Variants in RORA observed in about 807,000 individuals in gnomAD.
RORA encodes nuclear receptor ROR-alpha.
RORA carries 7 observed loss-of-function variants against 69.5 expected under a neutral mutation model. The observed-to-expected ratio is 0.10, with a 90% CI of 0.06 to 0.19. The LOEUF (loss-of-function observed/expected upper bound fraction) is 0.19, where lower values mean the gene tolerates loss of function less well. RORA is among the 10% of genes least tolerant of loss of function. RORA has a pLI of 1.00. For missense variants in RORA, 457 were observed against 663.0 expected (o/e 0.69, Z 3.41); for synonymous variants, 261 against 240.8 (o/e 1.08, Z -0.78).
At chr15:60,554,404 TAAAAAA>T (rs916683095) in intron 2 of RORA, among the ~76,000 whole-genome samples, 1 of 151,152 alleles carries the variant, frequency 6.6e-6, no homozygotes, top group Admixed American at 6.6e-5. Context: ...TTTTTGGCAC[TAAAAAA>T]AAATCAGCAA....
chr15:60,694,922 C>T (rs559811438), intron 1 of RORA, among the ~76,000 whole-genome samples: 1 of 152,160 alleles, frequency 6.6e-6, no homozygotes, highest in Non-Finnish European at 1.5e-5. Context: ...TAATGGACAA[C>T]GTATGAACAA....
At chr15:61,228,966 C>G (rs1442754766) in intron 1 of RORA, 87 bp downstream of exon 1, 1 of 611,714 alleles carries the variant, frequency 1.6e-6, no homozygotes, top group Non-Finnish European at 2.0e-6. Context: ...CGCCGGACCC[C>G]GCGCCCCGGG....
rs1181851519 is a variant in RORA at position 60,996,079 on chromosome 15, T to G, written c.166+232974A>C. Among the ~76,000 whole-genome samples the G allele has an allele frequency of 1.7e-4, 17 of 100,172 alleles. No homozygotes were observed. In the South Asian group the frequency reaches 2.5e-3, roughly 15 times the overall value. 65.7% of individuals were successfully genotyped at this position (100,172 alleles called of 152,430 possible). On this transcript the variant is annotated intron_variant, in intron 1 of 10. Coordinates refer to ENST00000335670, the MANE Select transcript of RORA (RefSeq NM_134261.3). ...TCTAGATCTTGTTTTTTGTTTTTTT[T>G]TTTTTTTTTGAGATGGAGTCTCACT...
intron 1 of RORA, among the ~76,000 whole-genome samples, chr15:60,864,671 A>G (rs79218010): frequency 0.024 from 3,621 of 152,292 alleles, 135 homozygotes; most frequent in African/African-American, 0.083. Flanking sequence ...CAGGAACATT[A>G]TATCACTGTA....
At chr15:60,530,774 T>C (rs2059496895) in intron 3 of RORA, 1 of 152,266 alleles carries the variant, frequency 6.6e-6, no homozygotes. Flanking sequence ...TCGTGGATTT[T>C]ATTTTTTGCC....
intron 1 of RORA, among the ~76,000 whole-genome samples, chr15:60,714,181 G>A (rs2071186272): frequency 6.6e-6 from 1 of 151,708 alleles, no homozygotes; most frequent in Admixed American, 6.6e-5. Flanking sequence ...AGCCTCCCAA[G>A]TAGCTGAGAT....
chr15:61,019,615 A>G (rs1303970573), intron 1 of RORA, among the ~76,000 whole-genome samples: 1 of 151,840 alleles, frequency 6.6e-6, no homozygotes, highest in East Asian at 1.9e-4. Flanking sequence ...GAAGGGGGGG[A>G]AACCTGTCCT....
intron 1 of RORA, among the ~76,000 whole-genome samples, chr15:61,073,292 C>T (rs1390792963): frequency 4.6e-4 from 70 of 152,206 alleles, no homozygotes; most frequent in Non-Finnish European, 2.1e-4. Context: ...TCACAACAAG[C>T]TTCCTTACCA....
chr15:60,990,511 G>A (rs576178420), intron 1 of RORA, among the ~76,000 whole-genome samples: 15 of 152,176 alleles, frequency 9.9e-5, no homozygotes, highest in African/African-American at 2.4e-4. Flanking sequence ...AATCATTCCC[G>A]GGTAAGAAAT....
chr15:60,853,434 G>C (rs1036199094), intron 1 of RORA, among the ~76,000 whole-genome samples: 6 of 152,226 alleles, frequency 3.9e-5, no homozygotes, highest in Admixed American at 3.9e-4. Context: ...GTTCCATGAA[G>C]CAGAGTCACA....
chr15:61,155,698 G>A (rs1331083395), intron 1 of RORA, among the ~76,000 whole-genome samples: 3 of 152,078 alleles, frequency 2.0e-5, no homozygotes, highest in Non-Finnish European at 4.4e-5. Flanking sequence ...CTTCAGCTGT[G>A]AGGGGAAAAA....
intron 2 of RORA, among the ~76,000 whole-genome samples, chr15:60,673,022 TA>T (rs1250956966): frequency 6.6e-6 from 1 of 152,216 alleles, no homozygotes; most frequent in African/African-American, 2.4e-5. Context: ...CCTCGTAGGC[TA>T]GGCATGTTTG....
chr15:60,653,486 C>G (rs2070176507), intron 2 of RORA, among the ~76,000 whole-genome samples: 1 of 152,148 alleles, frequency 6.6e-6, no homozygotes. Flanking sequence ...CCGTCCTCAC[C>G]CTCATCACAA....
intron 1 of RORA, among the ~76,000 whole-genome samples, chr15:61,093,168 C>T (rs1023525169): frequency 1.3e-5 from 2 of 152,134 alleles, no homozygotes; most frequent in Non-Finnish European, 2.9e-5. Flanking sequence ...CTCATTTATT[C>T]CACAAAGAGA....
At chr15:61,042,235 G>A (rs1040405761) in intron 1 of RORA, among the ~76,000 whole-genome samples, 23 of 152,218 alleles carry the variant, frequency 1.5e-4, no homozygotes, top group African/African-American at 5.1e-4. Flanking sequence ...GATAGGCTAT[G>A]TGGTCTTAAT....
chr15:61,006,547 G>A (rs777775811), intron 1 of RORA, among the ~76,000 whole-genome samples: 7 of 152,126 alleles, frequency 4.6e-5, no homozygotes, highest in Non-Finnish European at 1.0e-4. Flanking sequence ...TCCATGAAGT[G>A]ACAAATAAAA....
At chr15:60,812,843 C>G (rs1296405024) in intron 1 of RORA, among the ~76,000 whole-genome samples, 1 of 152,138 alleles carries the variant, frequency 6.6e-6, no homozygotes, top group Non-Finnish European at 1.5e-5. Flanking sequence ...GTGATGGAAT[C>G]TGGACATTGG....
intron 2 of RORA, among the ~76,000 whole-genome samples, chr15:60,562,291 G>A (rs906589520): frequency 1.3e-5 from 2 of 151,330 alleles, no homozygotes; most frequent in African/African-American, 2.4e-5. Context: ...GCTGGAGTGC[G>A]ATGGCACGAT....
At chr15:60,540,904 G>A (rs1417598827) in intron 2 of RORA, among the ~76,000 whole-genome samples, 1 of 152,198 alleles carries the variant, frequency 6.6e-6, no homozygotes, top group Non-Finnish European at 1.5e-5. Context: ...GGAACATGGT[G>A]TCATGACACC....
Sources: gnomAD v4.1 joint callset for allele counts (sites outside exome capture counted in the v4.1 genomes callset) on GRCh38, gnomAD v4.1.1 for gene constraint, MANE v1.5 for transcripts, NCBI Gene and HGNC (gene_info 2026-07-23, HGNC 2026-07-21) for gene names.